GXYLT1: variants seen among roughly 807,000 people sequenced by gnomAD.
GXYLT1 encodes the protein glucoside xylosyltransferase 1, also known as glycosyltransferase 8 domain containing 3.
A neutral mutation model predicts 54.0 loss-of-function variants in GXYLT1; 29 were observed. The observed-to-expected ratio is 0.54, with a 90% CI of 0.40 to 0.73. The LOEUF (loss-of-function observed/expected upper bound fraction) is 0.73, where lower values mean the gene tolerates loss of function less well. GXYLT1 is among the 30% of genes least tolerant of loss of function. The probability of loss-of-function intolerance (pLI) is 0.00; values close to 1 mark genes in which losing one functional copy is unlikely to be tolerated. For synonymous variants in GXYLT1, 176 were observed against 204.1 expected, an observed-to-expected ratio of 0.86 and a Z score of 1.17; for missense variants, 490 against 553.4, an observed-to-expected ratio of 0.89 and a Z score of 1.15.
At chr12:42,114,779 A>T (rs2065482655) in intron 3 of GXYLT1, among the ~76,000 whole-genome samples, 1 of 152,226 alleles carries the variant, frequency 6.6e-6, no homozygotes. Flanking sequence ...AACTCATTTT[A>T]TGAGGCCAGC....
rs1405299585 is a variant in GXYLT1 at position 42,087,549 on chromosome 12, G to A, written c.*237C>T. 2 of 414,874 alleles carry A rather than the reference G, an allele frequency of 4.8e-6. No homozygotes were observed. Among genetic ancestry groups the A allele is most frequent in the Non-Finnish European group, 8.6e-6 (2 of 232,148 alleles). The allele number at this position is 414,874 out of a possible 1,614,324, so 25.7% of individuals were successfully genotyped here. ...ATTCAATAGTATTTTCATCAATACT[G>A]GAATGATAGCAAGTAACATTACAAA... is the stretch of plus-strand genomic sequence containing the variant. On this transcript the variant is annotated 3_prime_UTR_variant, in exon 8 of 8. Transcript: ENST00000398675.
At chr12:42,141,584 T>C (rs1490177844) in intron 1 of GXYLT1, among the ~76,000 whole-genome samples, 2 of 152,262 alleles carry the variant, frequency 1.3e-5, no homozygotes, top group South Asian at 2.1e-4. Flanking sequence ...TGATATTAAC[T>C]AGCTTAACTG....
rs1229224707 is a variant in GXYLT1, at chr12:42,083,325, T to C, written c.*4461A>G. On this transcript the variant is annotated 3_prime_UTR_variant, in exon 8 of 8. Transcript: ENST00000398675. ...TTTTAATAGGCAAAAAAGGGTTGCT[T>C]TGGCAATGGATAAAAGAATAACTGT... 6.8e-6 allele frequency: 1 copy of C among 147,690 alleles called. No individual in the cohort carries two copies. The highest frequency in any genetic ancestry group is 2.0e-4 in the East Asian group (1 of 5,078). The allele number at this position is 147,690 out of a possible 1,614,324, so 9.1% of individuals were successfully genotyped here.
chr12:42,122,954 A>G (rs759621250), intron 2 of GXYLT1, among the ~76,000 whole-genome samples: 1 of 152,206 alleles, frequency 6.6e-6, no homozygotes, highest in Admixed American at 6.5e-5. Context: ...ACAATATCCC[A>G]TGCAGTAATC....
chr12:42,126,801 G>A (rs1466021964), intron 2 of GXYLT1, among the ~76,000 whole-genome samples: 1 of 150,924 alleles, frequency 6.6e-6, no homozygotes, highest in Non-Finnish European at 1.5e-5. Context: ...AATCGCTTGA[G>A]CCCAGGAGGC....
At position 42,085,372 on chromosome 12, in the gene GXYLT1, A is replaced by C. The variant is rs2065283839; in HGVS notation, c.*2414T>G. On this transcript the variant is annotated 3_prime_UTR_variant, in exon 8 of 8. Coordinates refer to ENST00000398675, the MANE Select transcript of GXYLT1 (RefSeq NM_173601.2). The stretch of plus-strand genomic sequence containing the variant: ...TACAGTCCAGTTGGATTAAACTGTG[A>C]CCACGCTCTACACAAGTCCCAATCA... The C allele has an allele frequency of 6.6e-6, 1 of 152,290 alleles. No homozygotes were observed. The highest frequency in any genetic ancestry group is 2.4e-5 in the African/African-American group (1 of 41,472). The allele number at this position is 152,290 out of a possible 1,614,324, so 9.4% of individuals were successfully genotyped here.
chr12:42,099,540 C>T (rs983903268), intron 5 of GXYLT1, among the ~76,000 whole-genome samples: 11 of 152,154 alleles, frequency 7.2e-5, no homozygotes, highest in African/African-American at 2.7e-4. Flanking sequence ...ATGCTGAGAA[C>T]CACTATTTAA....
At chr12:42,116,574 C>G (rs10880249) in intron 3 of GXYLT1, among the ~76,000 whole-genome samples, 12 of 152,084 alleles carry the variant, frequency 7.9e-5, no homozygotes, top group Non-Finnish European at 1.5e-4. Flanking sequence ...AAAACCACAA[C>G]GAGATACCAT....
intron 7 of GXYLT1, among the ~76,000 whole-genome samples, chr12:42,092,047 C>T (rs950790535): frequency 6.6e-6 from 1 of 152,138 alleles, no homozygotes; most frequent in Non-Finnish European, 1.5e-5. Flanking sequence ...GCCTCCTCTT[C>T]AAGGAGGCAT....
At chr12:42,116,363 A>G (rs140774907) in intron 3 of GXYLT1, among the ~76,000 whole-genome samples, 2,997 of 152,264 alleles carry the variant, frequency 0.02, 115 homozygotes, top group African/African-American at 0.068. Flanking sequence ...ATGGGAGAAA[A>G]TTTTTGCAAG....
intron 3 of GXYLT1, among the ~76,000 whole-genome samples, chr12:42,114,177 G>C (rs1031060523): frequency 6.6e-6 from 1 of 152,110 alleles, no homozygotes; most frequent in East Asian, 1.9e-4. Flanking sequence ...AGAGAAAGCA[G>C]GAAAGGTCTA....
At chr12:42,090,892 T>C (rs1226186735) in intron 7 of GXYLT1, among the ~76,000 whole-genome samples, 2 of 152,254 alleles carry the variant, frequency 1.3e-5, no homozygotes, top group African/African-American at 2.4e-5. Flanking sequence ...GATTTTGAAT[T>C]TGTAATTTTT....
intron 2 of GXYLT1, among the ~76,000 whole-genome samples, chr12:42,121,641 C>T (rs1264865479): frequency 1.3e-5 from 2 of 149,226 alleles, no homozygotes; most frequent in Admixed American, 6.7e-5. Flanking sequence ...ATAATATACC[C>T]AAATGTTTCT....
chr12:42,092,297 G>A (rs544167318), intron 7 of GXYLT1, among the ~76,000 whole-genome samples: 2 of 152,128 alleles, frequency 1.3e-5, no homozygotes, highest in African/African-American at 4.8e-5. Flanking sequence ...TTCCACCCAC[G>A]TAAGATTAAA....
At chr12:42,106,380 T>C (rs1179502012) in intron 4 of GXYLT1, among the ~76,000 whole-genome samples, 2 of 152,200 alleles carry the variant, frequency 1.3e-5, no homozygotes, top group African/African-American at 4.8e-5. Context: ...GATAATAACA[T>C]TAACTTAGGT....
Position 42,086,341 on chromosome 12 carries a change from A to G in GXYLT1, c.*1445T>C, listed in dbSNP as rs1274298644. On this transcript the variant is annotated 3_prime_UTR_variant, in exon 8 of 8. Coordinates refer to ENST00000398675, the MANE Select transcript of GXYLT1 (RefSeq NM_173601.2). ...CCCTGACTGAACTGCAGACGACAGAACAACTGTACTAACCATCTCTTTCTG... is the reference window on the plus strand; with the variant it reads ...CCCTGACTGAACTGCAGACGACAGAGCAACTGTACTAACCATCTCTTTCTG... The G allele has an allele frequency of 6.6e-6, 1 of 152,280 alleles. No individual in the cohort carries two copies. Among genetic ancestry groups the G allele is most frequent in the African/African-American group, 2.4e-5 (1 of 41,468 alleles). 9.4% of individuals were successfully genotyped at this position (152,280 alleles called of 1,614,324 possible).
chr12:42,108,470 C>T (rs949430616), intron 4 of GXYLT1, among the ~76,000 whole-genome samples: 2 of 152,104 alleles, frequency 1.3e-5, no homozygotes, highest in Non-Finnish European at 2.9e-5. Flanking sequence ...AAACTAGGCA[C>T]TCACATATTA....
Position 42,083,174 on chromosome 12 carries a change from C to T in GXYLT1, c.*4612G>A, listed in dbSNP as rs115538763. 289 of 151,946 alleles carry T rather than the reference C, an allele frequency of 1.9e-3. No individual in the cohort carries two copies. Among genetic ancestry groups the T allele is most frequent in the African/African-American group, 6.7e-3 (276 of 41,378 alleles). The allele number at this position is 151,946 out of a possible 1,614,324, so 9.4% of individuals were successfully genotyped here. A position where few individuals can be genotyped will look rare whatever the true frequency, so the allele number is the denominator to read the frequency against. Reference sequence around the variant, plus strand: ...TTAATTGCTGGATATTTGAATAACACATTAATTTTTTAAAAAAAAATTTTC... The same window carrying T: ...TTAATTGCTGGATATTTGAATAACATATTAATTTTTTAAAAAAAAATTTTC... On this transcript the variant is annotated 3_prime_UTR_variant, in exon 8 of 8. Coordinates refer to ENST00000398675, the MANE Select transcript of GXYLT1 (RefSeq NM_173601.2).
At chr12:42,101,788 T>G (rs1456617064) in intron 5 of GXYLT1, among the ~76,000 whole-genome samples, 1 of 152,078 alleles carries the variant, frequency 6.6e-6, no homozygotes, top group Non-Finnish European at 1.5e-5. Context: ...GCCAGGCTGG[T>G]CTAGGACTCC....
Sources: gnomAD v4.1 joint callset for allele counts (sites outside exome capture counted in the v4.1 genomes callset) on GRCh38, gnomAD v4.1.1 for gene constraint, MANE v1.5 for transcripts, NCBI Gene and HGNC (gene_info 2026-07-23, HGNC 2026-07-21) for gene names.